The following FNDC7 variants were observed in gnomAD, a reference collection of about 807,000 sequenced individuals.
The protein encoded by FNDC7 is fibronectin type III domain-containing protein 7.
FNDC7 carries 66 observed loss-of-function variants against 74.2 expected under a neutral mutation model. The ratio of observed to expected loss-of-function variants is 0.89; its 90% confidence interval spans 0.73 to 1.09. The LOEUF is 1.09. Ranked by LOEUF, FNDC7 falls within the 50% of genes least tolerant of loss-of-function variation. The pLI is 0.00. For synonymous variants in FNDC7, 307 were observed against 330.2 expected, an observed-to-expected ratio of 0.93 and a Z score of 0.76; for missense variants, 829 against 893.4, an observed-to-expected ratio of 0.93 and a Z score of 0.92.
chr1:108,713,563 C>T (rs904961177), intron 2 of FNDC7, 34 bp downstream of exon 2: 10 of 1,526,460 alleles, frequency 6.6e-6, no homozygotes, highest in East Asian at 2.5e-5. Flanking sequence ...TTTTCCTTCT[C>T]GTATTTGATT....
At chr1:108,738,232 G>T (rs1273278603) in intron 11 of FNDC7, among the ~76,000 whole-genome samples, 1 of 152,138 alleles carries the variant, frequency 6.6e-6, no homozygotes, top group Non-Finnish European at 1.5e-5. Flanking sequence ...TGCATGAGTG[G>T]GTATACCCCG....
At chr1:108,741,010 C>T (rs1241779248) in intron 11 of FNDC7, among the ~76,000 whole-genome samples, 2 of 152,222 alleles carry the variant, frequency 1.3e-5, no homozygotes, top group Non-Finnish European at 2.9e-5. Context: ...TCAGCATCAG[C>T]TGGGAACCTC....
At chr1:108,718,667 T>A in intron 3 of FNDC7, 122 bp from the exon 4 acceptor site, 1 of 1,046,638 alleles carries the variant, frequency 9.6e-7, no homozygotes, top group Non-Finnish European at 1.4e-6. Flanking sequence ...AACTTTGTTG[T>A]GAATGCTCTT....
chr1:108,739,549 C>T (rs1208579472), intron 11 of FNDC7, among the ~76,000 whole-genome samples: 1 of 152,180 alleles, frequency 6.6e-6, no homozygotes, highest in Non-Finnish European at 1.5e-5. Context: ...TGGGCCCCAT[C>T]CTGACCTACT....
chr1:108,736,268 C>T (rs562494261), intron 10 of FNDC7, among the ~76,000 whole-genome samples: 10 of 152,222 alleles, frequency 6.6e-5, no homozygotes, highest in South Asian at 2.1e-4. Flanking sequence ...TCTCTTTGCC[C>T]GGAATTCCAC....
chr1:108,736,697 C>A (rs1298790790), intron 10 of FNDC7, among the ~76,000 whole-genome samples: 1 of 152,102 alleles, frequency 6.6e-6, no homozygotes, highest in East Asian at 1.9e-4. Context: ...AAGCCTGTAG[C>A]CATTTCAGCT....
Position 108,736,125 on chromosome 1 carries a change from G to A in FNDC7, c.2141-1370G>A, listed in dbSNP as rs139980791. ...GCCCAGCCTGAACAGAGAAATTCTA[G>A]GCTCATTCCACAACATCCGTCCTGA... is the stretch of plus-strand genomic sequence containing the variant. On this transcript the variant is annotated intron_variant, in intron 10 of 12. Coordinates refer to ENST00000370017, the MANE Select transcript of FNDC7 (RefSeq NM_001144937.3). 2.0e-3 allele frequency among the ~76,000 whole-genome samples: 307 copies of A among 152,246 alleles called. No individual in the cohort carries two copies. The Middle Eastern group carries it at 0.024, about 12-fold the overall frequency.
chr1:108,729,037 A>C lies in FNDC7; in HGVS notation c.1624+151A>C, dbSNP rs531595039. 8.1e-6 allele frequency: 8 copies of C among 990,750 alleles called. No homozygotes were observed. In the South Asian group the frequency reaches 1.1e-4, roughly 13 times the overall value. The allele number at this position is 990,750 out of a possible 1,614,324, so 61.4% of individuals were successfully genotyped here. A position where few individuals can be genotyped will look rare whatever the true frequency, so the allele number is the denominator to read the frequency against. On this transcript the variant is annotated intron_variant, in intron 8 of 12. Transcript: ENST00000370017. The stretch of plus-strand genomic sequence containing the variant: ...CAAAGAGTCCCGGTCATAGACAATA[A>C]AATTTTCAATATTTTACAAGTTCTG...
rs904715131 is a variant in FNDC7, at chr1:108,719,049, A to T, written c.598A>T (p.Ser200Cys). The stretch of plus-strand genomic sequence containing the variant: ...TGACTCCACCTGCAATCAGAGAACA[A>T]GTAAGAACTTCTCAGCTCAGCCTCG... Reference protein sequence around the residue: ...GDDSTCNQRTSPRAPANIQVS... With the variant: ...GDDSTCNQRTCPRAPANIQVS... The change falls in exon 4 of 13, where the codon AGT (serine) becomes TGT (cysteine). Residue 200 changes from serine (S) to cysteine (C), a missense_variant and splice_region_variant. Coordinates refer to ENST00000370017, the MANE Select transcript of FNDC7 (RefSeq NM_001144937.3). The T allele has an allele frequency of 1.2e-5, 19 of 1,551,948 alleles. No individual in the cohort carries two copies. Among genetic ancestry groups the T allele is most frequent in the African/African-American group, 2.7e-5 (2 of 73,056 alleles).
At chr1:108,737,888 C>T (rs539936965) in intron 11 of FNDC7, among the ~76,000 whole-genome samples, 3 of 152,212 alleles carry the variant, frequency 2.0e-5, no homozygotes, top group Non-Finnish European at 4.4e-5. Context: ...CTGGTTCTGT[C>T]CCCAGAAAGT....
chr1:108,714,605 A>ATTTTTTTTTT (rs71098692), intron 2 of FNDC7, among the ~76,000 whole-genome samples: 4 of 102,166 alleles, frequency 3.9e-5, no homozygotes, highest in Admixed American at 1.3e-4. Context: ...ACAAAGTGGC[A>ATTTTTTTTTT]TTTTTTTTTT....
chr1:108,730,585 C>A, intron 8 of FNDC7, 89 bp from the exon 9 acceptor site: 1 of 1,425,010 alleles, frequency 7.0e-7, no homozygotes, highest in East Asian at 2.4e-5. Flanking sequence ...TTGAGTGAAA[C>A]ACAGGCAAAA....
At chr1:108,714,182 G>T (rs755687705) in intron 2 of FNDC7, among the ~76,000 whole-genome samples, 16 of 152,108 alleles carry the variant, frequency 1.1e-4, no homozygotes, top group Non-Finnish European at 1.9e-4. Flanking sequence ...TAACTTATCT[G>T]TAGGAACCAC....
chr1:108,739,815 A>G (rs1264622354), intron 11 of FNDC7, among the ~76,000 whole-genome samples: 2 of 152,062 alleles, frequency 1.3e-5, no homozygotes, highest in South Asian at 2.1e-4. Context: ...TATCTTCACC[A>G]TTCCCTTCCT....
chr1:108,722,684 A>G, intron 5 of FNDC7, 92 bp downstream of exon 5: 2 of 1,370,384 alleles, frequency 1.5e-6, no homozygotes, highest in Non-Finnish European at 1.9e-6. Flanking sequence ...ATACTCTGGA[A>G]AAAATGAAAA....
intron 6 of FNDC7, 41 bp from the exon 7 acceptor site, chr1:108,727,767 T>C (rs781696553): frequency 6.2e-7 from 1 of 1,606,754 alleles, no homozygotes. Flanking sequence ...GCTGCATTGC[T>C]CTTGATGGGA....
intron 9 of FNDC7, among the ~76,000 whole-genome samples, chr1:108,731,905 C>G (rs1483983823): frequency 6.6e-6 from 1 of 152,084 alleles, no homozygotes; most frequent in Admixed American, 6.6e-5. Flanking sequence ...CAGAATATGA[C>G]CCATTGCTTA....
rs1490824528 is a variant in FNDC7, at chr1:108,717,816, T to A, written c.122T>A (p.Leu41His). The change falls in exon 3 of 13, where the codon CTC (leucine) becomes CAC (histidine). Residue 41 changes from leucine to histidine, a missense_variant. By Grantham distance (99) the Leu-to-His change is moderately conservative (BLOSUM62 -3). Transcript: ENST00000370017. ...ACTATTGATCAGGCATATTCAAAACTCAGCAACAGTATCACTGTAGAATGG... is the reference window on the plus strand; with the variant it reads ...ACTATTGATCAGGCATATTCAAAACACAGCAACAGTATCACTGTAGAATGG... ...IPTIDQAYSK[L>H]SNSITVEWAT... is the part of the protein sequence containing the mutation. The A allele has an allele frequency of 1.3e-6, 2 of 1,551,686 alleles. No homozygotes were observed. Among genetic ancestry groups the A allele is most frequent in the Non-Finnish European group, 1.7e-6 (2 of 1,146,978 alleles).
chr1:108,718,019 C>T lies in FNDC7; in HGVS notation c.325C>T (p.Gln109Ter), dbSNP rs1661018245. ...GAGAAGCCAGGCGTCACCTCCAAAG[C>T]AGGCAAAGACAGGTGGCTGGATGGA... ...AGRSQASPPK[Q>*]AKTVLAAPIL... Residue 109 changes from glutamine to a stop codon, truncating the protein, a stop_gained, in exon 3 of 13, where the codon CAG becomes TAG. Transcript: ENST00000370017. LOFTEE classifies it high-confidence loss of function. 1 of 1,551,508 alleles carries T rather than the reference C, an allele frequency of 6.4e-7. No individual in the cohort carries two copies.
Sources: allele counts gnomAD v4.1 joint callset (sites outside exome capture counted in the v4.1 genomes callset), GRCh38; gene constraint gnomAD v4.1.1; transcripts MANE v1.5; gene names NCBI Gene and HGNC (gene_info 2026-07-23, HGNC 2026-07-21).